Variants in TRIM33 observed in about 807,000 individuals in gnomAD.
TRIM33 encodes the protein tripartite motif containing 33, also known as E3 ubiquitin-protein ligase TRIM33.
In TRIM33, 20 loss-of-function variants were observed where a neutral mutation model predicts 125.4. That is an observed-to-expected ratio of 0.16 (90% confidence interval 0.11 to 0.23). The LOEUF (loss-of-function observed/expected upper bound fraction) is 0.23, where lower values mean the gene tolerates loss of function less well. TRIM33 is among the 10% of genes least tolerant of loss of function. The pLI, the probability that TRIM33 is intolerant of heterozygous loss-of-function variation, is 1.00. For synonymous variants in TRIM33, 564 were observed against 513.9 expected, an observed-to-expected ratio of 1.10 and a Z score of -1.32; for missense variants, 920 against 1,411.4, an observed-to-expected ratio of 0.65 and a Z score of 5.58.
At chr1:114,413,777 G>A (rs992280052) in intron 11 of TRIM33, among the ~76,000 whole-genome samples, 3 of 151,662 alleles carry the variant, frequency 2.0e-5, no homozygotes, top group South Asian at 2.1e-4. Flanking sequence ...CAACACTTTC[G>A]GATACCAAGG....
Position 114,510,378 on chromosome 1 carries a change from T to A in TRIM33, c.526+173A>T, listed in dbSNP as rs567601220. On this transcript the variant is annotated intron_variant, in intron 1 of 19. Coordinates refer to ENST00000358465, the MANE Select transcript of TRIM33 (RefSeq NM_015906.4). ...CCCCTCCCTTCATGCTCCCCTTATCTCTTGCGGTCCAGCTTCTCTGGAAAG... is the reference window on the plus strand; with the variant it reads ...CCCCTCCCTTCATGCTCCCCTTATCACTTGCGGTCCAGCTTCTCTGGAAAG... Among the ~76,000 whole-genome samples, 6 of 151,870 alleles carry A rather than the reference T, an allele frequency of 4.0e-5. No individual in the cohort carries two copies. In the South Asian group the frequency reaches 1.2e-3, roughly 32 times the overall value.
intron 4 of TRIM33, among the ~76,000 whole-genome samples, chr1:114,434,095 C>T (rs1557863228): frequency 6.6e-6 from 1 of 152,136 alleles, no homozygotes. Flanking sequence ...GAAGGGAAAT[C>T]ACCCATAGTT....
At chr1:114,401,237 C>T (rs990402061) in intron 17 of TRIM33, 152 bp downstream of exon 17, 2 of 399,956 alleles carry the variant, frequency 5.0e-6, no homozygotes, top group East Asian at 5.0e-5. Context: ...GGGGTTTCAC[C>T]GTGGTCTCTA....
At chr1:114,501,463 C>A (rs1652712446) in intron 1 of TRIM33, among the ~76,000 whole-genome samples, 1 of 152,132 alleles carries the variant, frequency 6.6e-6, no homozygotes, top group African/African-American at 2.4e-5. Context: ...GTTTTTCACC[C>A]AGAACAAGGG....
intron 1 of TRIM33, among the ~76,000 whole-genome samples, chr1:114,475,130 T>C (rs1437864475): frequency 1.3e-5 from 2 of 152,044 alleles, no homozygotes; most frequent in Non-Finnish European, 2.9e-5. Flanking sequence ...GAACAAAATA[T>C]GACCCCCCAC....
At chr1:114,490,999 G>T (rs184663489) in intron 1 of TRIM33, among the ~76,000 whole-genome samples, 104 of 152,212 alleles carry the variant, frequency 6.8e-4, no homozygotes, top group African/African-American at 2.5e-3. Context: ...GCCTAAGTCT[G>T]GGGGGAATGG....
intron 15 of TRIM33, among the ~76,000 whole-genome samples, chr1:114,403,315 T>C (rs1021302075): frequency 6.6e-6 from 1 of 152,194 alleles, no homozygotes; most frequent in African/African-American, 2.4e-5. Context: ...CAGTTCTTTT[T>C]TCGTGGTCAA....
intron 11 of TRIM33, among the ~76,000 whole-genome samples, chr1:114,419,978 C>A (rs1653177214): frequency 6.6e-6 from 1 of 152,168 alleles, no homozygotes; most frequent in South Asian, 2.1e-4. Context: ...TATTAAACTG[C>A]AGCCACAGAA....
At chr1:114,449,332 G>T (rs1649176959) in intron 4 of TRIM33, among the ~76,000 whole-genome samples, 1 of 152,176 alleles carries the variant, frequency 6.6e-6, no homozygotes, top group Non-Finnish European at 1.5e-5. Context: ...TGCAGATTCT[G>T]ATGACATGCC....
intron 15 of TRIM33, among the ~76,000 whole-genome samples, 197 bp from the exon 16 acceptor site, chr1:114,403,080 G>A (rs2101088775): frequency 6.6e-6 from 1 of 152,238 alleles, no homozygotes; most frequent in African/African-American, 2.4e-5. Context: ...CGCATCAATT[G>A]ATTACTTTCT....
At chr1:114,450,457 G>A (rs1395956868) in intron 4 of TRIM33, among the ~76,000 whole-genome samples, 10 of 152,174 alleles carry the variant, frequency 6.6e-5, no homozygotes, top group Non-Finnish European at 1.3e-4. Flanking sequence ...TCAGCCTCCC[G>A]AGTAGCTGGG....
At position 114,396,273 on chromosome 1, in the gene TRIM33, C is replaced by T. The variant is rs375156834; in HGVS notation, c.*1375G>A. 6.0e-4 allele frequency: 123 copies of T among 204,170 alleles called. 1 individual carries two copies. The highest frequency in any genetic ancestry group is 2.6e-3 in the African/African-American group (115 of 43,794). The allele number at this position is 204,170 out of a possible 1,614,324, so 12.6% of individuals were successfully genotyped here. ...CAGAGCCAAGTTGGTTTATCGGCCT[C>T]GGGTGCTGTAATTGGGGTGGTAAAG... On this transcript the variant is annotated 3_prime_UTR_variant, in exon 20 of 20. Transcript: ENST00000358465.
intron 1 of TRIM33, among the ~76,000 whole-genome samples, chr1:114,507,137 GACT>G (rs1482982371): frequency 1.3e-5 from 2 of 152,234 alleles, no homozygotes; most frequent in Non-Finnish European, 2.9e-5. Context: ...CGACCTGGAG[GACT>G]ACTTTAAAAT....
intron 11 of TRIM33, among the ~76,000 whole-genome samples, chr1:114,414,641 CT>C (rs1457252397): frequency 6.6e-6 from 1 of 152,156 alleles, no homozygotes; most frequent in Non-Finnish European, 1.5e-5. Flanking sequence ...ACAATTTCCC[CT>C]TTGAGTAATG....
In TRIM33 at chr1:114,501,004, C is replaced by A. The variant is rs555441746; in HGVS notation, c.526+9547G>T. Among the ~76,000 whole-genome samples, 17 of 68,752 alleles carry A rather than the reference C, an allele frequency of 2.5e-4. 2 individuals carry two copies. The highest frequency in any genetic ancestry group is 1.1e-3 in the African/African-American group (14 of 13,152). 45.1% of individuals were successfully genotyped at this position (68,752 alleles called of 152,430 possible). Reference sequence around the variant, plus strand: ...AGGAGATCGAGACCATCCCGGCTAACACGGTAAAACCCCGTCTCTACTAAA... The same window carrying A: ...AGGAGATCGAGACCATCCCGGCTAAAACGGTAAAACCCCGTCTCTACTAAA... On this transcript the variant is annotated intron_variant, in intron 1 of 19. Transcript: ENST00000358465.
intron 4 of TRIM33, among the ~76,000 whole-genome samples, chr1:114,455,076 G>C (rs2101332238): frequency 6.6e-6 from 1 of 152,240 alleles, no homozygotes; most frequent in South Asian, 2.1e-4. Context: ...TAGAATGGAA[G>C]AGTGTGTCTA....
At chr1:114,500,482 G>C (rs992642610) in intron 1 of TRIM33, among the ~76,000 whole-genome samples, 6 of 151,922 alleles carry the variant, frequency 3.9e-5, no homozygotes, top group Admixed American at 1.3e-4. Context: ...GGGACTACAG[G>C]TATGTACCAC....
At chr1:114,483,141 C>T (rs552396536) in intron 1 of TRIM33, among the ~76,000 whole-genome samples, 2 of 152,054 alleles carry the variant, frequency 1.3e-5, no homozygotes, top group Non-Finnish European at 2.9e-5. Flanking sequence ...CCTGTCTCTA[C>T]AAAAATAATT....
intron 4 of TRIM33, among the ~76,000 whole-genome samples, chr1:114,448,151 C>A (rs1649099735): frequency 6.6e-6 from 1 of 152,148 alleles, no homozygotes; most frequent in Non-Finnish European, 1.5e-5. Flanking sequence ...GGGCAAATTT[C>A]TGAAACAATG....
Sources: allele counts gnomAD v4.1 joint callset (sites outside exome capture counted in the v4.1 genomes callset), GRCh38; gene constraint gnomAD v4.1.1; transcripts MANE v1.5; gene names NCBI Gene and HGNC (gene_info 2026-07-23, HGNC 2026-07-21).